Variants in OSBPL9 observed in about 807,000 individuals in gnomAD.
OSBPL9 encodes the protein oxysterol binding protein like 9, also known as oxysterol-binding protein-related protein 9.
OSBPL9 carries 40 observed loss-of-function variants against 106.6 expected under a neutral mutation model. The observed-to-expected ratio is 0.38, with a 90% confidence interval of 0.29 to 0.49. The LOEUF (loss-of-function observed/expected upper bound fraction) is 0.49, where lower values mean the gene tolerates loss of function less well. Among genes scored for constraint, OSBPL9 ranks in the 20% least tolerant of loss-of-function variants. OSBPL9 has a pLI of 0.97. For missense variants in OSBPL9, 609 were observed against 887.2 expected (o/e 0.69, Z 3.98); for synonymous variants, 269 against 295.4 (o/e 0.91, Z 0.92).
the OSBPL9 span, among the ~76,000 whole-genome samples, chr1:51,543,822 C>A: frequency 6.6e-6 from 1 of 152,214 alleles, no homozygotes; most frequent in Non-Finnish European, 1.5e-5. Flanking sequence ...AAGTTAGCTG[C>A]CTCAGCACTG....
At position 51,714,649 on chromosome 1, in the gene OSBPL9, G is replaced by A. The variant is rs373181551; in HGVS notation, c.318+570G>A. Among the ~76,000 whole-genome samples, 71 of 152,262 alleles carry A rather than the reference G, an allele frequency of 4.7e-4. 3 individuals carry two copies. In the South Asian group the frequency reaches 0.012, roughly 25 times the overall value. Reference sequence around the variant, plus strand: ...CCACTTTTGCATTGGCTTCATTTTCGGTTAGGTTCTCCCTTGGTGGTGGTA... The same window carrying A: ...CCACTTTTGCATTGGCTTCATTTTCAGTTAGGTTCTCCCTTGGTGGTGGTA... On this transcript the variant is annotated intron_variant, in intron 4 of 23. Coordinates refer to ENST00000428468, the MANE Select transcript of OSBPL9 (RefSeq NM_024586.6).
rs551816608 is a variant in OSBPL9, at chr1:51,677,796, G to A, written c.241+8284G>A. Among the ~76,000 whole-genome samples, 47 of 152,192 alleles carry A rather than the reference G, an allele frequency of 3.1e-4. No homozygotes were observed. The East Asian group carries it at 8.6e-3, about 28-fold the overall frequency. ...GAACTCTGGACCTTGTGATCCACCC[G>A]CCTCGGCCTCCCAAAGTGCTGGGAT... On this transcript the variant is annotated intron_variant, in intron 3 of 23. Coordinates refer to ENST00000428468, the MANE Select transcript of OSBPL9 (RefSeq NM_024586.6).
chr1:51,678,756 T>G (rs1651871495), intron 3 of OSBPL9, among the ~76,000 whole-genome samples: 2 of 152,208 alleles, frequency 1.3e-5, no homozygotes, highest in African/African-American at 4.8e-5. Flanking sequence ...GAAGTTATAT[T>G]GATCAAGTAT....
intron 11 of OSBPL9, among the ~76,000 whole-genome samples, chr1:51,764,211 G>T (rs1401074930): frequency 6.6e-6 from 1 of 152,060 alleles, no homozygotes; most frequent in Non-Finnish European, 1.5e-5. Context: ...TCTTTTGTTT[G>T]CAGTTCCCAC....
chr1:51,555,260 G>T, the OSBPL9 span, among the ~76,000 whole-genome samples: 42 of 152,090 alleles, frequency 2.8e-4, no homozygotes, highest in Admixed American at 2.6e-3. Context: ...GGGAGGCCGA[G>T]GCGGGCGGAT....
intron 4 of OSBPL9, among the ~76,000 whole-genome samples, chr1:51,739,916 C>A (rs761792784): frequency 6.6e-6 from 1 of 151,854 alleles, no homozygotes; most frequent in Non-Finnish European, 1.5e-5. Flanking sequence ...GGTAGGGAGA[C>A]AAGATGTCAT....
upstream of OSBPL9, among the ~76,000 whole-genome samples, chr1:51,575,350 G>A (rs888592407): frequency 7.3e-5 from 11 of 151,256 alleles, no homozygotes; most frequent in Middle Eastern, 3.4e-3. Context: ...ACAGGTGCCC[G>A]CCACCTCACC....
chr1:51,569,633 A>G, the OSBPL9 span: 1 of 152,152 alleles, frequency 6.6e-6, no homozygotes. Flanking sequence ...CGCCACCACA[A>G]TACTTCCTTT....
At chr1:51,780,667 T>C (rs745330169) in intron 15 of OSBPL9, among the ~76,000 whole-genome samples, 1 of 152,134 alleles carries the variant, frequency 6.6e-6, no homozygotes, top group Non-Finnish European at 1.5e-5. Flanking sequence ...CTCGGGAGGC[T>C]GAGGCAGAGA....
intron 3 of OSBPL9, among the ~76,000 whole-genome samples, chr1:51,689,851 A>G (rs1363659594): frequency 6.6e-6 from 1 of 152,136 alleles, no homozygotes; most frequent in Non-Finnish European, 1.5e-5. Context: ...TCTGTATCTG[A>G]TGAGTTACCA....
chr1:51,613,399 A>T (rs1644002811), upstream of OSBPL9, among the ~76,000 whole-genome samples: 1 of 152,234 alleles, frequency 6.6e-6, no homozygotes. Context: ...GTATGTGTTT[A>T]TATGGACTCA....
intron 3 of OSBPL9, among the ~76,000 whole-genome samples, chr1:51,683,708 C>T (rs1418040432): frequency 2.6e-5 from 4 of 151,708 alleles, no homozygotes; most frequent in Non-Finnish European, 5.9e-5. Flanking sequence ...CAGGAGAATC[C>T]CTTGAACCTG....
At chr1:51,617,082 G>A (rs1170938157), upstream of OSBPL9, 2 of 1,590,894 alleles carry the variant, frequency 1.3e-6, no homozygotes, top group Non-Finnish European at 1.7e-6. Flanking sequence ...GTGACGTCAG[G>A]CCGTTTGTTG....
intron 3 of OSBPL9, among the ~76,000 whole-genome samples, chr1:51,695,445 T>G (rs1655823073): frequency 6.6e-6 from 1 of 152,202 alleles, no homozygotes. Flanking sequence ...ATACCTTATT[T>G]CCCCTGATTT....
intron 3 of OSBPL9, among the ~76,000 whole-genome samples, chr1:51,695,708 C>T (rs1343103097): frequency 6.6e-6 from 1 of 152,010 alleles, no homozygotes; most frequent in Non-Finnish European, 1.5e-5. Flanking sequence ...GGTGCTATGT[C>T]GTTGTGAAAT....
At chr1:51,527,691 GGTGC>G in the OSBPL9 span, among the ~76,000 whole-genome samples, 1 of 152,202 alleles carries the variant, frequency 6.6e-6, no homozygotes, top group South Asian at 2.1e-4. Flanking sequence ...ACTGTGGCTG[GGTGC>G]CTGCCTGGGG....
intron 3 of OSBPL9, among the ~76,000 whole-genome samples, chr1:51,704,438 A>G (rs913160843): frequency 3.3e-5 from 5 of 152,176 alleles, no homozygotes; most frequent in African/African-American, 9.7e-5. Context: ...AGAGGTGTTT[A>G]TAGTATTCTC....
intron 2 of OSBPL9, among the ~76,000 whole-genome samples, chr1:51,653,027 A>G (rs1450618670): frequency 1.3e-5 from 2 of 152,198 alleles, no homozygotes; most frequent in South Asian, 2.1e-4. Context: ...CCTTGATAGA[A>G]CTGGGAAATA....
chr1:51,553,835 C>A, the OSBPL9 span, among the ~76,000 whole-genome samples: 1 of 152,204 alleles, frequency 6.6e-6, no homozygotes, highest in Non-Finnish European at 1.5e-5. Context: ...TCCGCCACCA[C>A]ACCTGGCTAA....
Sources: allele counts gnomAD v4.1 joint callset (sites outside exome capture counted in the v4.1 genomes callset), GRCh38; gene constraint gnomAD v4.1.1; transcripts MANE v1.5; gene names NCBI Gene and HGNC (gene_info 2026-07-23, HGNC 2026-07-21).